The following NBPF12 variants were observed in gnomAD, a reference collection of about 807,000 sequenced individuals.
The protein encoded by NBPF12 is NBPF member 12.
In NBPF12, 115 loss-of-function variants were observed where a neutral mutation model predicts 146.4. The ratio of observed to expected loss-of-function variants is 0.79; its 90% confidence interval spans 0.68 to 0.92. The LOEUF is 0.92. NBPF12 is among the 40% of genes least tolerant of loss of function. NBPF12 has a pLI of 0.00. For synonymous variants in NBPF12, 385 were observed against 508.9 expected, an observed-to-expected ratio of 0.76 and a Z score of 3.28; for missense variants, 1,205 against 1,326.8, an observed-to-expected ratio of 0.91 and a Z score of 1.43.
chr1:146,947,610 C>T (rs1553883472), upstream of NBPF12, among the ~76,000 whole-genome samples: 1,757 of 117,166 alleles, frequency 0.015, 235 homozygotes, highest in African/African-American at 0.055. Flanking sequence ...TCTACTTCAG[C>T]ACATTTTGTC....
At chr1:146,963,344 C>T in intron 6 of NBPF12, 35 bp downstream of exon 9, 1 of 1,608,154 alleles carries the variant, frequency 6.2e-7, no homozygotes, top group Non-Finnish European at 8.5e-7. Flanking sequence ...ACCCAAAACC[C>T]CAGGCTTATG....
rs1458904412 is a variant in NBPF12 at position 146,964,212 on chromosome 1, G to C, written c.494-145G>C. On this transcript the variant is annotated intron_variant, in intron 6 of 33. Coordinates refer to ENST00000617844, the Ensembl canonical transcript of NBPF12. ...CCTGATGGACCAGGAAACCATGCCA[G>C]AGCATTTTGTGAAGGATAAAACATG... 4 of 1,315,980 alleles carry C rather than the reference G, an allele frequency of 3.0e-6. No individual in the cohort carries two copies. In the African/African-American group the frequency reaches 4.4e-5, roughly 15 times the overall value. 81.5% of individuals were successfully genotyped at this position (1,315,980 alleles called of 1,614,324 possible).
rs1553885916 is a variant in NBPF12 at position 146,968,555 on chromosome 1, G to A, written c.1091+5G>A. 2 of 1,601,828 alleles carry A rather than the reference G, an allele frequency of 1.2e-6. No homozygotes were observed. The highest frequency in any genetic ancestry group is 1.7e-5 in the Admixed American group (1 of 59,990). On this transcript the variant is annotated splice_donor_5th_base_variant and intron_variant, in intron 10 of 33. Coordinates refer to ENST00000617844, the Ensembl canonical transcript of NBPF12. ...GAAGCAAGCTGAGGAGCTCAGGTGA[G>A]GGGACCCCATGGGGGCAGGCAGGGG...
At chr1:146,975,303 T>A (rs1347786501) in intron 15 of NBPF12, among the ~76,000 whole-genome samples, 7 of 129,354 alleles carry the variant, frequency 5.4e-5, no homozygotes, top group African/African-American at 3.1e-5. Flanking sequence ...TGGCCTCATT[T>A]CTGTACATGG....
intron 1 of NBPF12, among the ~76,000 whole-genome samples, chr1:146,943,025 G>A (rs1654874927): frequency 7.4e-6 from 1 of 135,776 alleles, no homozygotes. Flanking sequence ...TCAGCCTCCC[G>A]AGTAGCTGAG....
intron 2 of NBPF12, among the ~76,000 whole-genome samples, chr1:146,956,120 C>T (rs1253152897): frequency 5.9e-5 from 9 of 151,610 alleles, no homozygotes; most frequent in African/African-American, 1.2e-4. Flanking sequence ...AGCCCAAACG[C>T]GGAATGATAG....
At chr1:146,964,749 G>C (rs1337198571) in intron 7 of NBPF12, 144 bp from the exon 11 acceptor site, 13 of 1,289,396 alleles carry the variant, frequency 1.0e-5, no homozygotes, top group Non-Finnish European at 1.2e-5. Context: ...GAAGAGGATT[G>C]CCTGTTCCCT....
upstream of NBPF12, among the ~76,000 whole-genome samples, chr1:146,945,127 CTTT>C (rs1654991321): frequency 6.9e-6 from 1 of 145,916 alleles, no homozygotes. Context: ...TTCCTTTCTT[CTTT>C]TCTTTTTCTT....
Position 146,975,151 on chromosome 1 carries a change from T to C in NBPF12, c.1904+310T>C, listed in dbSNP as rs1656900983. On this transcript the variant is annotated intron_variant, in intron 15 of 33. Transcript: ENST00000617844. Reference sequence around the variant, plus strand: ...AGCATTCAGTATACTCAAAATGGTGTGCCATCACCATCCCACTTACCCTTA... The same window carrying C: ...AGCATTCAGTATACTCAAAATGGTGCGCCATCACCATCCCACTTACCCTTA... Among the ~76,000 whole-genome samples, 3 of 131,398 alleles carry C rather than the reference T, an allele frequency of 2.3e-5. 1 individual carries two copies. Among genetic ancestry groups the C allele is most frequent in the African/African-American group, 9.4e-5 (3 of 32,002 alleles). The allele number at this position is 131,398 out of a possible 152,430, so 86.2% of individuals were successfully genotyped here. A position where few individuals can be genotyped will look rare whatever the true frequency, so the allele number is the denominator to read the frequency against.
At chr1:146,969,629 C>T (rs1410660472) in intron 11 of NBPF12, 33 bp downstream of exon 14, 1 of 1,602,216 alleles carries the variant, frequency 6.2e-7, no homozygotes, top group Non-Finnish European at 8.5e-7. Context: ...TGACCCAAAA[C>T]CCCAGGCTTA....
intron 18 of NBPF12, among the ~76,000 whole-genome samples, chr1:146,978,293 C>A (rs1472489699): frequency 8.4e-6 from 1 of 119,010 alleles, no homozygotes; most frequent in Non-Finnish European, 1.7e-5. Context: ...GCGATGGAGT[C>A]CTGCTCTGTC....
chr1:146,976,422 G>T (rs1657025698), intron 16 of NBPF12, among the ~76,000 whole-genome samples: 2 of 128,982 alleles, frequency 1.6e-5, no homozygotes, highest in Non-Finnish European at 3.2e-5. Flanking sequence ...CTTGATGTGG[G>T]GGCATTTTGT....
exon 34 of NBPF12, chr1:146,995,472 T>TA (rs1421457647): frequency 8.3e-6 from 1 of 120,816 alleles, no homozygotes; most frequent in East Asian, 3.6e-4. Flanking sequence ...TGAAAAAAAG[T>TA]AAAAAGATAA....
At chr1:146,949,103 A>G (rs1324423614), upstream of NBPF12, among the ~76,000 whole-genome samples, 35 of 152,320 alleles carry the variant, frequency 2.3e-4, no homozygotes, top group African/African-American at 7.7e-4. Context: ...GATAATGATC[A>G]ATAAATACTA....
intron 4 of NBPF12, among the ~76,000 whole-genome samples, chr1:146,961,238 G>A (rs1199148381): frequency 3.3e-5 from 5 of 151,786 alleles, no homozygotes; most frequent in Admixed American, 6.6e-5. Flanking sequence ...CTGGTGCACA[G>A]GCTCTTGTTC....
At chr1:146,952,377 G>C (rs1655362779) in intron 2 of NBPF12, among the ~76,000 whole-genome samples, 1 of 152,166 alleles carries the variant, frequency 6.6e-6, no homozygotes, top group Admixed American at 6.5e-5. Context: ...CCTCAGCCTG[G>C]CAGTCTCTGT....
At chr1:146,939,167 T>G (rs1279728977) in intron 1 of NBPF12, among the ~76,000 whole-genome samples, 155 bp downstream of exon 1, 1 of 151,938 alleles carries the variant, frequency 6.6e-6, no homozygotes, top group Non-Finnish European at 1.5e-5. Context: ...ATTCCTCGCC[T>G]GCCGCTGCAG....
intron 14 of NBPF12, 79 bp downstream of exon 17, chr1:146,973,039 A>T (rs1350675775): frequency 2.4e-4 from 182 of 772,004 alleles, no homozygotes; most frequent in Non-Finnish European, 1.3e-4. Flanking sequence ...TGCTCTCTCC[A>T]TCAAAAATAA....
intron 9 of NBPF12, among the ~76,000 whole-genome samples, chr1:146,967,616 C>T (rs1203131008): frequency 1.3e-5 from 2 of 150,588 alleles, no homozygotes; most frequent in African/African-American, 2.5e-5. Flanking sequence ...AAAGATCGCA[C>T]CCGAGAATGT....
Sources: allele counts gnomAD v4.1 joint callset (sites outside exome capture counted in the v4.1 genomes callset), GRCh38; gene constraint gnomAD v4.1.1; transcripts MANE v1.5; gene names NCBI Gene and HGNC (gene_info 2026-07-23, HGNC 2026-07-21).